CERS1: variants seen among roughly 807,000 people sequenced by gnomAD.
The protein encoded by CERS1 is Embryonic growth/differentiation factor 1.
CERS1 carries 16 observed loss-of-function variants against 35.7 expected under a neutral mutation model. That is an observed-to-expected ratio of 0.45 (90% CI 0.30 to 0.68). CERS1 has a LOEUF of 0.68. Among genes scored for constraint, CERS1 ranks in the 30% least tolerant of loss-of-function variants. The pLI is 0.08. For missense variants in CERS1, 454 were observed against 453.9 expected, an observed-to-expected ratio of 1.00 and a Z score of 0.00; for synonymous variants, 243 against 201.6, an observed-to-expected ratio of 1.21 and a Z score of -1.74.
Position 18,884,071 on chromosome 19 carries a change from C to T in CERS1, c.590+16G>A. 1 of 1,604,470 alleles carries T rather than the reference C, an allele frequency of 6.2e-7. No homozygotes were observed. The highest frequency in any genetic ancestry group is 8.5e-7 in the Non-Finnish European group (1 of 1,173,412). ...GGGCTGTGCCTCGGCCCCCTGCCAC[C>T]CGATCCTGTCCTTACCGGAAGGCGT... On this transcript the variant is annotated intron_variant, in intron 3 of 7. Transcript: ENST00000623882.
chr19:18,870,116 G>A lies in CERS1; in HGVS notation c.*461C>T. 1 of 1,568,314 alleles carries A rather than the reference G, an allele frequency of 6.4e-7. No individual in the cohort carries two copies. The highest frequency in any genetic ancestry group is 8.6e-7 in the Non-Finnish European group (1 of 1,162,226). ...CCTGGGGGTCCCGGCGTCGAAACAG[G>A]CGCCACATGACCGGGGGAACCGGCC... On this transcript the variant is annotated 3_prime_UTR_variant, in exon 7 of 8. Coordinates refer to ENST00000623882, the MANE Select transcript of CERS1 (RefSeq NM_021267.5). This position sits in a 1 kb window ranked among gnomAD's most constrained non-coding sequence, Gnocchi z 5.1.
chr19:18,879,661 C>G (rs568196835), intron 4 of CERS1, among the ~76,000 whole-genome samples: 1 of 147,386 alleles, frequency 6.8e-6, no homozygotes, highest in Admixed American at 6.7e-5. Flanking sequence ...CCCAGTCCCT[C>G]CCCTTCTCTG....
In CERS1 at chr19:18,893,618, C is replaced by A. The variant is rs867723407; in HGVS notation, c.250-43G>T. On this transcript the variant is annotated intron_variant, in intron 1 of 7. Transcript: ENST00000623882. ...GGCGGGCAGCCATTGGTGCTGGGGG[C>A]CAGAGACTGCTCCTTTGGGGTGGGG... 3 of 1,566,338 alleles carry A rather than the reference C, an allele frequency of 1.9e-6. No homozygotes were observed. In the Admixed American group the frequency reaches 5.5e-5, roughly 29 times the overall value.
At chr19:18,872,579 G>A (rs1002461700) in intron 6 of CERS1, among the ~76,000 whole-genome samples, 1 of 150,610 alleles carries the variant, frequency 6.6e-6, no homozygotes, top group African/African-American at 2.4e-5. Flanking sequence ...GCGGTGGCAC[G>A]ATCTTGGCTC....
chr19:18,892,701 G>T (rs756443743), intron 2 of CERS1, among the ~76,000 whole-genome samples: 4 of 152,048 alleles, frequency 2.6e-5, no homozygotes, highest in Non-Finnish European at 4.4e-5. Context: ...CCCATGAAAC[G>T]TGAGTGCCTC....
intron 1 of CERS1, 46 bp from the exon 2 acceptor site, chr19:18,893,621 G>C (rs1359817175): frequency 6.4e-7 from 1 of 1,564,726 alleles, no homozygotes; most frequent in Non-Finnish European, 8.6e-7. Context: ...CTGGGGGCCA[G>C]AGACTGCTCC....
chr19:18,893,640 G>A (rs989683685), intron 1 of CERS1, 65 bp from the exon 2 acceptor site: 70 of 1,508,738 alleles, frequency 4.6e-5, no homozygotes, highest in Non-Finnish European at 6.2e-5. Flanking sequence ...CCTTTGGGGT[G>A]GGGAAACTGA....
chr19:18,869,148 G>C lies in CERS1; in HGVS notation c.*837C>G. The C allele has an allele frequency of 8.9e-7, 1 of 1,121,452 alleles. No individual in the cohort carries two copies. Among genetic ancestry groups the C allele is most frequent in the African/African-American group, 1.7e-5 (1 of 59,622 alleles). The allele number at this position is 1,121,452 out of a possible 1,614,324, so 69.5% of individuals were successfully genotyped here. A position where few individuals can be genotyped will look rare whatever the true frequency, so the allele number is the denominator to read the frequency against. On this transcript the variant is annotated 3_prime_UTR_variant, in exon 8 of 8. Transcript: ENST00000623882. ...AGCTCCGCGCGCACTGGCGGCCCCA[G>C]GGCGGGCACCAACTGGCGGAGCAGC... is the stretch of plus-strand genomic sequence containing the variant.
Position 18,891,585 on chromosome 19 carries a change from C to A in CERS1, c.409+1831G>T, listed in dbSNP as rs535510620. Among the ~76,000 whole-genome samples, 18 of 152,150 alleles carry A rather than the reference C, an allele frequency of 1.2e-4. No individual in the cohort carries two copies. The Middle Eastern group carries it at 0.02, about 173-fold the overall frequency. On this transcript the variant is annotated intron_variant, in intron 2 of 7. Coordinates refer to ENST00000623882, the MANE Select transcript of CERS1 (RefSeq NM_021267.5). Reference sequence around the variant, plus strand: ...ACTTCTTATCATCTTCCCCTCCACACCCCCAACCCCCAGGCAGGGTCTCGC... The same window carrying A: ...ACTTCTTATCATCTTCCCCTCCACAACCCCAACCCCCAGGCAGGGTCTCGC...
chr19:18,891,397 C>A (rs895883579), intron 2 of CERS1, among the ~76,000 whole-genome samples: 2 of 152,150 alleles, frequency 1.3e-5, no homozygotes, highest in African/African-American at 4.8e-5. Context: ...CCCCCACTGC[C>A]CCATCGCAGA....
intron 4 of CERS1, 72 bp downstream of exon 4, chr19:18,880,202 C>T (rs1408899891): frequency 1.1e-5 from 16 of 1,441,830 alleles, no homozygotes; most frequent in East Asian, 1.0e-4. Flanking sequence ...TGCCTGGTCC[C>T]GCCCCTTTTC....
Position 18,868,641 on chromosome 19 carries a change from G to T in CERS1, c.*1344C>A. 1 of 1,574,484 alleles carries T rather than the reference G, an allele frequency of 6.4e-7. No individual in the cohort carries two copies. Among genetic ancestry groups the T allele is most frequent in the Non-Finnish European group, 8.6e-7 (1 of 1,160,126 alleles). ...TCCACCACCATGTCCTCATACTGCC[G>T]CAGCACCACGTTGTCGCTGTTGTCA... On this transcript the variant is annotated 3_prime_UTR_variant, in exon 8 of 8. Coordinates refer to ENST00000623882, the MANE Select transcript of CERS1 (RefSeq NM_021267.5).
intron 2 of CERS1, among the ~76,000 whole-genome samples, chr19:18,888,891 T>TTC (rs955066198): frequency 7.9e-6 from 1 of 125,944 alleles, no homozygotes; most frequent in African/African-American, 2.7e-5. Context: ...CTTTCTTTCT[T>TTC]TTTTTTTTTT....
In CERS1 at chr19:18,870,938, C is replaced by G. The variant is rs1023543669; in HGVS notation, c.1011-319G>C. Among the ~76,000 whole-genome samples, 19 of 152,180 alleles carry G rather than the reference C, an allele frequency of 1.2e-4. No individual in the cohort carries two copies. The highest frequency in any genetic ancestry group is 3.9e-4 in the African/African-American group (16 of 41,442). ...CCGCTGGAGGGCAAAACCCACGTAC[C>G]GGCCTGGGCCTGACAACTCCACCGC... On this transcript the variant is annotated intron_variant, in intron 6 of 7. Transcript: ENST00000623882. The surrounding 1 kb of genome is among the most constrained non-coding windows in gnomAD (Gnocchi z 5.1).
At chr19:18,883,541 AAGAG>A (rs531952675) in intron 3 of CERS1, among the ~76,000 whole-genome samples, 1 of 149,568 alleles carries the variant, frequency 6.7e-6, no homozygotes, top group African/African-American at 2.4e-5. Context: ...TCAAAAAAAA[AAGAG>A]AGAGAGAAAT....
At chr19:18,877,913 G>A (rs973023072) in intron 6 of CERS1, 7 of 958,396 alleles carry the variant, frequency 7.3e-6, no homozygotes, top group Non-Finnish European at 8.7e-6. Flanking sequence ...CAAAAGTCTT[G>A]AGTCGTCTTT....
In CERS1 at chr19:18,895,744, A is replaced by G; in HGVS notation, c.249+80T>C. On this transcript the variant is annotated intron_variant, in intron 1 of 7. Transcript: ENST00000623882. The surrounding 1 kb of genome is among the most constrained non-coding windows in gnomAD (Gnocchi z 6.4). ...CAGCAGCCAGCGCTGGAAGAAAGGA[A>G]CGCGCCGGCGGCCCCAGGTCCCCGG... 1 of 764,438 alleles carries G rather than the reference A, an allele frequency of 1.3e-6. No homozygotes were observed. The highest frequency in any genetic ancestry group is 1.7e-6 in the Non-Finnish European group (1 of 588,216). 47.4% of individuals were successfully genotyped at this position (764,438 alleles called of 1,614,324 possible).
chr19:18,889,316 ATC>A (rs1051337354), intron 2 of CERS1, among the ~76,000 whole-genome samples: 3 of 152,084 alleles, frequency 2.0e-5, no homozygotes, highest in Non-Finnish European at 4.4e-5. Flanking sequence ...ACCCTGCTGG[ATC>A]TGTTGCCCAC....
chr19:18,880,137 A>G, intron 4 of CERS1, 137 bp downstream of exon 4: 1 of 754,820 alleles, frequency 1.3e-6, no homozygotes, highest in Non-Finnish European at 2.0e-6. Flanking sequence ...CCAAATCATG[A>G]GGCCCCTCCC....
Sources: allele counts gnomAD v4.1 joint callset (sites outside exome capture counted in the v4.1 genomes callset), GRCh38; gene constraint gnomAD v4.1.1; non-coding constraint Gnocchi (gnomAD v3.1); transcripts MANE v1.5; gene names NCBI Gene and HGNC (gene_info 2026-07-23, HGNC 2026-07-21).